The following KIRREL3 variants were observed in gnomAD, a reference collection of about 807,000 sequenced individuals.
KIRREL3 encodes the protein kin of IRRE-like protein 3.
Under a neutral mutation model 89.7 loss-of-function variants are expected in KIRREL3, and 36 were observed. The observed-to-expected ratio is 0.40, with a 90% confidence interval of 0.31 to 0.53. The LOEUF is 0.53. Among genes scored for constraint, KIRREL3 ranks in the 20% least tolerant of loss-of-function variants. KIRREL3 has a pLI of 0.49. For missense variants in KIRREL3, 864 were observed against 1,056.6 expected (o/e 0.82, Z 2.53); for synonymous variants, 445 against 441.4 (o/e 1.01, Z -0.10).
In KIRREL3 at chr11:126,764,664, T is replaced by G. The variant is rs935107580; in HGVS notation, c.56-201752A>C. Among the ~76,000 whole-genome samples the G allele has an allele frequency of 6.6e-6, 1 of 152,228 alleles. No individual in the cohort carries two copies. The highest frequency in any genetic ancestry group is 2.4e-5 in the African/African-American group (1 of 41,464). ...AATCTTTGGTTAGCACATGCACACG[T>G]GGGCACGTGCAAACTCTCTCAGTGT... On this transcript the variant is annotated intron_variant, in intron 1 of 16. Coordinates refer to ENST00000525144, the MANE Select transcript of KIRREL3 (RefSeq NM_032531.4). This position sits in a 1 kb window ranked among gnomAD's most constrained non-coding sequence, Gnocchi z 4.2.
intron 1 of KIRREL3, among the ~76,000 whole-genome samples, chr11:126,672,458 T>G (rs1229656233): frequency 6.6e-6 from 1 of 152,196 alleles, no homozygotes; most frequent in East Asian, 1.9e-4. Flanking sequence ...TATTGCTAAG[T>G]GAAAGAAGCC....
chr11:126,845,489 G>C (rs895504603), intron 1 of KIRREL3, among the ~76,000 whole-genome samples: 1 of 152,116 alleles, frequency 6.6e-6, no homozygotes, highest in Non-Finnish European at 1.5e-5. Flanking sequence ...TTTTTGTACT[G>C]TTTTGTCATA....
At chr11:126,481,743 C>T (rs989429667) in intron 4 of KIRREL3, among the ~76,000 whole-genome samples, 28 of 152,246 alleles carry the variant, frequency 1.8e-4, no homozygotes, top group African/African-American at 6.8e-4. Flanking sequence ...TAGTGCTTCT[C>T]CCCTCCATCT....
In KIRREL3 at chr11:126,581,692, C is replaced by G. The variant is rs546749139; in HGVS notation, c.56-18780G>C. Among the ~76,000 whole-genome samples, 4 of 152,030 alleles carry G rather than the reference C, an allele frequency of 2.6e-5. No individual in the cohort carries two copies. In the East Asian group the frequency reaches 7.7e-4, roughly 29 times the overall value. Reference sequence around the variant, plus strand: ...ATGGTGAGAACATTTAAAACCTATTCTCTGAGCAATTTCCAATTATAGGAT... The same window carrying G: ...ATGGTGAGAACATTTAAAACCTATTGTCTGAGCAATTTCCAATTATAGGAT... On this transcript the variant is annotated intron_variant, in intron 1 of 16. Coordinates refer to ENST00000525144, the MANE Select transcript of KIRREL3 (RefSeq NM_032531.4).
Position 126,989,742 on chromosome 11 carries a change from A to G in KIRREL3, c.55+10713T>C, listed in dbSNP as rs1407463662. Among the ~76,000 whole-genome samples, 3 of 152,202 alleles carry G rather than the reference A, an allele frequency of 2.0e-5. No homozygotes were observed. The highest frequency in any genetic ancestry group is 4.8e-5 in the African/African-American group (2 of 41,464). On this transcript the variant is annotated intron_variant, in intron 1 of 16. Coordinates refer to ENST00000525144, the MANE Select transcript of KIRREL3 (RefSeq NM_032531.4). The surrounding 1 kb of genome is among the most constrained non-coding windows in gnomAD (Gnocchi z 6.2). ...ACAGGGGAACGAAGTCTTAGGGCCA[A>G]CAGGGTTCCCCCGGTGTCTCTCCTG...
At position 126,623,141 on chromosome 11, in the gene KIRREL3, A is replaced by G. The variant is rs1232981721; in HGVS notation, c.56-60229T>C. 1.3e-5 allele frequency among the ~76,000 whole-genome samples: 2 copies of G among 152,228 alleles called. No homozygotes were observed. Among genetic ancestry groups the G allele is most frequent in the East Asian group, 3.8e-4 (2 of 5,200 alleles). On this transcript the variant is annotated intron_variant, in intron 1 of 16. Coordinates refer to ENST00000525144, the MANE Select transcript of KIRREL3 (RefSeq NM_032531.4). This position sits in a 1 kb window ranked among gnomAD's most constrained non-coding sequence, Gnocchi z 4.1. ...ACTTTAGACATAAGAAAACAGAAAT[A>G]GGTCATCATTTGTCTAAGGTGACAG...
At chr11:126,507,857 G>A (rs900283442) in intron 4 of KIRREL3, among the ~76,000 whole-genome samples, 1 of 152,218 alleles carries the variant, frequency 6.6e-6, no homozygotes, top group Non-Finnish European at 1.5e-5. Context: ...AGGGCTCAGC[G>A]TTGTCTGGAA....
intron 2 of KIRREL3, among the ~76,000 whole-genome samples, chr11:126,539,285 T>C (rs982754309): frequency 7.9e-5 from 12 of 152,190 alleles, no homozygotes; most frequent in Admixed American, 4.6e-4. Flanking sequence ...GGAGCATGTG[T>C]GTGCAGACTC....
Position 126,739,519 on chromosome 11 carries a change from A to G in KIRREL3, c.56-176607T>C, listed in dbSNP as rs982484667. Reference sequence around the variant, plus strand: ...CGTCATGTGCCCTACCTGGGTCTTAAGGAATGATGAGATCCAGGCAGCTGG... The same window carrying G: ...CGTCATGTGCCCTACCTGGGTCTTAGGGAATGATGAGATCCAGGCAGCTGG... On this transcript the variant is annotated intron_variant, in intron 1 of 16. Coordinates refer to ENST00000525144, the MANE Select transcript of KIRREL3 (RefSeq NM_032531.4). The surrounding 1 kb of genome is among the most constrained non-coding windows in gnomAD (Gnocchi z 5.5). 2.0e-5 allele frequency among the ~76,000 whole-genome samples: 3 copies of G among 152,214 alleles called. No individual in the cohort carries two copies. Among genetic ancestry groups the G allele is most frequent in the Non-Finnish European group, 4.4e-5 (3 of 68,036 alleles).
intron 1 of KIRREL3, among the ~76,000 whole-genome samples, chr11:126,833,781 G>A (rs1199455470): frequency 6.6e-6 from 1 of 152,076 alleles, no homozygotes; most frequent in Non-Finnish European, 1.5e-5. Flanking sequence ...TCTTCCTGAG[G>A]GTCACATTTC....
chr11:126,832,454 C>T (rs2134491959), intron 1 of KIRREL3, among the ~76,000 whole-genome samples: 1 of 152,286 alleles, frequency 6.6e-6, no homozygotes, highest in East Asian at 1.9e-4. Flanking sequence ...TACATAAAGG[C>T]AACCTCCTCC....
rs912697718 is a variant in KIRREL3 at position 126,983,231 on chromosome 11, C to T, written c.55+17224G>A. ...ACTAAGCACCTATTATTTGATAATC[C>T]CAATAGATACACACGGGGGAAGGTC... On this transcript the variant is annotated intron_variant, in intron 1 of 16. Transcript: ENST00000525144. The surrounding 1 kb of genome is among the most constrained non-coding windows in gnomAD (Gnocchi z 4.9). 1.3e-5 allele frequency among the ~76,000 whole-genome samples: 2 copies of T among 151,880 alleles called. No homozygotes were observed. The highest frequency in any genetic ancestry group is 4.8e-5 in the African/African-American group (2 of 41,310).
rs1332881271 is a variant in KIRREL3, at chr11:126,754,011, C to T, written c.56-191099G>A. Among the ~76,000 whole-genome samples, 1 of 152,158 alleles carries T rather than the reference C, an allele frequency of 6.6e-6. No homozygotes were observed. The highest frequency in any genetic ancestry group is 1.5e-5 in the Non-Finnish European group (1 of 68,026). On this transcript the variant is annotated intron_variant, in intron 1 of 16. Transcript: ENST00000525144. This position sits in a 1 kb window ranked among gnomAD's most constrained non-coding sequence, Gnocchi z 5.1. ...ATGAGGGGAATAGCCTACTTTGTCACTATTTATCATTCTTAGTTAACAATG... is the reference window on the plus strand; with the variant it reads ...ATGAGGGGAATAGCCTACTTTGTCATTATTTATCATTCTTAGTTAACAATG...
At chr11:126,745,641 A>G (rs1949123586) in intron 1 of KIRREL3, among the ~76,000 whole-genome samples, 1 of 152,200 alleles carries the variant, frequency 6.6e-6, no homozygotes, top group African/African-American at 2.4e-5. Flanking sequence ...AGATGGGGAG[A>G]TAAGAAAAAA....
chr11:126,543,829 A>G (rs582493), intron 2 of KIRREL3: 152,374 of 152,418 alleles, frequency 1, 76,165 homozygotes, highest in East Asian at 1. Context: ...GCCGATCCCT[A>G]GCCATAGCTC....
chr11:126,972,722 C>T (rs1001144299), intron 1 of KIRREL3, among the ~76,000 whole-genome samples: 1 of 152,118 alleles, frequency 6.6e-6, no homozygotes, highest in Non-Finnish European at 1.5e-5. Context: ...TGCCTGACAC[C>T]GTGTCCGTAT....
At chr11:126,631,285 C>T (rs552983509) in intron 1 of KIRREL3, among the ~76,000 whole-genome samples, 4 of 152,112 alleles carry the variant, frequency 2.6e-5, no homozygotes, top group Non-Finnish European at 5.9e-5. Flanking sequence ...ATGAGGAAAC[C>T]GGGTCAAAGA....
At chr11:126,998,090 T>C (rs933613126) in intron 1 of KIRREL3, among the ~76,000 whole-genome samples, 1 of 152,134 alleles carries the variant, frequency 6.6e-6, no homozygotes, top group Non-Finnish European at 1.5e-5. Flanking sequence ...CTGTTAGACA[T>C]GGATGCGTTC....
intron 1 of KIRREL3, among the ~76,000 whole-genome samples, chr11:126,648,899 G>A (rs367614294): frequency 2.6e-4 from 40 of 152,248 alleles, no homozygotes; most frequent in African/African-American, 9.4e-4. Flanking sequence ...GTGTCATGTT[G>A]GAAAATGTAT....
Sources: gnomAD v4.1 joint callset for allele counts (sites outside exome capture counted in the v4.1 genomes callset) on GRCh38, gnomAD v4.1.1 for gene constraint, Gnocchi (gnomAD v3.1) non-coding constraint, MANE v1.5 for transcripts, NCBI Gene and HGNC (gene_info 2026-07-23, HGNC 2026-07-21) for gene names.